TENM3: variants seen among roughly 807,000 people sequenced by gnomAD.
TENM3 encodes the protein teneurin-3.
A neutral mutation model predicts 255.1 loss-of-function variants in TENM3; 63 were observed. That is an observed-to-expected ratio of 0.25 (90% CI 0.20 to 0.30). The LOEUF is 0.30. Among genes scored for constraint, TENM3 ranks in the 10% least tolerant of loss-of-function variants. The pLI is 1.00. For synonymous variants in TENM3, 1,306 were observed against 1,322.3 expected, an observed-to-expected ratio of 0.99 and a Z score of 0.27; for missense variants, 2,929 against 3,461.1, an observed-to-expected ratio of 0.85 and a Z score of 3.86.
chr4:182,208,404 G>A (rs570488892), intron 1 of TENM3, among the ~76,000 whole-genome samples: 12 of 152,250 alleles, frequency 7.9e-5, no homozygotes, highest in South Asian at 6.2e-4. Flanking sequence ...AACAATTTCC[G>A]TAAAGGGACA....
At chr4:181,656,586 A>C in the TENM3 span, among the ~76,000 whole-genome samples, 5 of 152,266 alleles carry the variant, frequency 3.3e-5, no homozygotes, top group African/African-American at 1.2e-4. Context: ...TTTTGAAAGG[A>C]TCCATCAGGC....
chr4:182,318,505 C>T (rs1436076050), intron 1 of TENM3, among the ~76,000 whole-genome samples: 1 of 152,082 alleles, frequency 6.6e-6, no homozygotes, highest in Non-Finnish European at 1.5e-5. Context: ...AATAATACAT[C>T]TGAAATAAAG....
chr4:182,769,941 C>G (rs554978211), intron 22 of TENM3, among the ~76,000 whole-genome samples: 3 of 151,422 alleles, frequency 2.0e-5, no homozygotes, highest in Admixed American at 6.6e-5. Flanking sequence ...CCCGTATCTA[C>G]TAAAAAATAC....
At chr4:182,708,910 A>G (rs1203306831) in intron 12 of TENM3, among the ~76,000 whole-genome samples, 4 of 152,148 alleles carry the variant, frequency 2.6e-5, no homozygotes, top group Admixed American at 2.6e-4. Flanking sequence ...TCCAAGGTAA[A>G]TAATTGAAAC....
At chr4:182,073,933 A>G in the TENM3 span, among the ~76,000 whole-genome samples, 21,513 of 152,104 alleles carry the variant, frequency 0.14, 1,510 homozygotes, top group Middle Eastern at 0.2. Context: ...TAACCCCTTC[A>G]CTTTGCAGAC....
intron 6 of TENM3, among the ~76,000 whole-genome samples, chr4:182,661,141 A>G (rs547458206): frequency 1.3e-5 from 2 of 151,948 alleles, no homozygotes; most frequent in East Asian, 1.9e-4. Context: ...GTATATATGC[A>G]TATGATTTAT....
At chr4:181,830,181 T>C in the TENM3 span, among the ~76,000 whole-genome samples, 1 of 152,184 alleles carries the variant, frequency 6.6e-6, no homozygotes, top group Non-Finnish European at 1.5e-5. Context: ...TCAAGAGTGC[T>C]ACGTTTAGGT....
At chr4:182,554,107 A>T (rs1290764045) in intron 3 of TENM3, among the ~76,000 whole-genome samples, 1 of 152,192 alleles carries the variant, frequency 6.6e-6, no homozygotes, top group East Asian at 1.9e-4. Flanking sequence ...CTAAAAAGGG[A>T]TAATAATTGC....
chr4:181,517,308 T>C, the TENM3 span, among the ~76,000 whole-genome samples: 13,754 of 152,240 alleles, frequency 0.09, 673 homozygotes, highest in South Asian at 0.15. Context: ...GAATGATATG[T>C]GCAATGTCTA....
the TENM3 span, among the ~76,000 whole-genome samples, chr4:181,642,223 T>C: frequency 6.7e-6 from 1 of 150,118 alleles, no homozygotes; most frequent in Non-Finnish European, 1.5e-5. Context: ...TAATGACCAG[T>C]GATGATGATT....
At chr4:182,515,893 A>T (rs1220873833) in intron 3 of TENM3, among the ~76,000 whole-genome samples, 1 of 152,236 alleles carries the variant, frequency 6.6e-6, no homozygotes, top group African/African-American at 2.4e-5. Flanking sequence ...AAACCTTGTG[A>T]TTCCACACAC....
intron 1 of TENM3, among the ~76,000 whole-genome samples, chr4:182,187,987 A>C (rs1417177321): frequency 6.6e-6 from 1 of 152,150 alleles, no homozygotes; most frequent in Non-Finnish European, 1.5e-5. Flanking sequence ...GCCAAAAATT[A>C]AGCTTAGGTT....
At chr4:181,507,198 A>G in the TENM3 span, among the ~76,000 whole-genome samples, 2 of 152,206 alleles carry the variant, frequency 1.3e-5, no homozygotes, top group Admixed American at 6.5e-5. Flanking sequence ...CTGATTCCCC[A>G]GATTCATCTC....
chr4:181,928,555 T>C, the TENM3 span, among the ~76,000 whole-genome samples: 5 of 150,836 alleles, frequency 3.3e-5, no homozygotes, highest in Admixed American at 3.3e-4. Context: ...CTACGTTTGA[T>C]GGGTGTGCCT....
At chr4:182,311,439 T>G (rs1304059906) in intron 1 of TENM3, among the ~76,000 whole-genome samples, 1 of 152,206 alleles carries the variant, frequency 6.6e-6, no homozygotes, top group Non-Finnish European at 1.5e-5. Context: ...TTAAAAAATT[T>G]TATCTCTTAA....
At chr4:182,042,077 T>C in the TENM3 span, among the ~76,000 whole-genome samples, 1 of 152,082 alleles carries the variant, frequency 6.6e-6, no homozygotes, top group African/African-American at 2.4e-5. Flanking sequence ...GTGTATGGTG[T>C]GGTGTGGTAT....
At chr4:182,356,987 A>G (rs555282792) in intron 3 of TENM3, among the ~76,000 whole-genome samples, 26 of 151,666 alleles carry the variant, frequency 1.7e-4, no homozygotes, top group African/African-American at 5.8e-4. Context: ...TTGTTCTTGC[A>G]ATAGTTTACT....
upstream of TENM3, among the ~76,000 whole-genome samples, chr4:182,140,624 C>T (rs1170328577): frequency 6.6e-6 from 1 of 152,204 alleles, no homozygotes; most frequent in Non-Finnish European, 1.5e-5. Context: ...CCTGACCCGG[C>T]GGTCCCCTTC....
At chr4:182,335,086 A>G (rs376923174) in intron 2 of TENM3, among the ~76,000 whole-genome samples, 2 of 152,034 alleles carry the variant, frequency 1.3e-5, no homozygotes, top group South Asian at 2.1e-4. Flanking sequence ...TTGGAGTAAG[A>G]ATGAACGCAC....
Sources: allele counts gnomAD v4.1 joint callset (sites outside exome capture counted in the v4.1 genomes callset), GRCh38; gene constraint gnomAD v4.1.1; transcripts MANE v1.5; gene names NCBI Gene and HGNC (gene_info 2026-07-23, HGNC 2026-07-21).